The following CDK14 variants were observed in gnomAD, a reference collection of about 807,000 sequenced individuals.
CDK14 encodes the protein cyclin dependent kinase 14.
A neutral mutation model predicts 60.7 loss-of-function variants in CDK14; 34 were observed. The observed-to-expected ratio is 0.56, with a 90% CI of 0.43 to 0.75. The LOEUF is 0.75. Among genes scored for constraint, CDK14 ranks in the 30% least tolerant of loss-of-function variants. The probability of loss-of-function intolerance (pLI) is 0.00; values close to 1 mark genes in which losing one functional copy is unlikely to be tolerated. For synonymous variants in CDK14, 197 were observed against 203.7 expected (o/e 0.97, Z 0.28); for missense variants, 482 against 564.1 (o/e 0.85, Z 1.47).
intron 2 of CDK14, among the ~76,000 whole-genome samples, chr7:90,617,368 T>C (rs1429817129): frequency 6.6e-6 from 1 of 152,038 alleles, no homozygotes; most frequent in African/African-American, 2.4e-5. Flanking sequence ...AACATCTAGG[T>C]ACTACTACTA....
rs35003949 is a variant in CDK14, at chr7:91,034,945, TACACAC to T, written c.1042-10924_1042-10919del. On this transcript the variant is annotated intron_variant, in intron 10 of 14. Coordinates refer to ENST00000380050, the MANE Select transcript of CDK14 (RefSeq NM_001287135.2). ...GTGTACACACACACACACATACACA[TACACAC>T]ACACACACACACACACACACACACA... 1.5e-3 allele frequency among the ~76,000 whole-genome samples: 223 copies of T among 146,088 alleles called. 2 individuals carry two copies. The highest frequency in any genetic ancestry group is 4.5e-3 in the African/African-American group (179 of 39,688).
chr7:91,137,898 C>A (rs1800335682), intron 14 of CDK14, among the ~76,000 whole-genome samples: 1 of 152,130 alleles, frequency 6.6e-6, no homozygotes, highest in African/African-American at 2.4e-5. Flanking sequence ...CAATACTCTC[C>A]AGATAATTGA....
chr7:90,897,761 A>G (rs1792383054), intron 6 of CDK14, among the ~76,000 whole-genome samples: 1 of 152,038 alleles, frequency 6.6e-6, no homozygotes, highest in African/African-American at 2.4e-5. Context: ...ACTCCATTGA[A>G]CCTATTTTAA....
At chr7:90,747,646 C>T (rs780393830) in intron 3 of CDK14, 35 bp from the exon 4 acceptor site, 1 of 1,185,786 alleles carries the variant, frequency 8.4e-7, no homozygotes, top group South Asian at 1.4e-5. Flanking sequence ...TAATTTGATA[C>T]AATCTGTTTT....
At chr7:90,900,087 GA>G (rs1792457188) in intron 7 of CDK14, among the ~76,000 whole-genome samples, 1 of 152,076 alleles carries the variant, frequency 6.6e-6, no homozygotes, top group African/African-American at 2.4e-5. Context: ...TTTGTTATAA[GA>G]AACCCTATTA....
chr7:90,726,242 A>G (rs1802628202), intron 2 of CDK14: 1 of 931,652 alleles, frequency 1.1e-6, no homozygotes, highest in Non-Finnish European at 1.3e-6. Flanking sequence ...AATGATTCAG[A>G]AATAAACCAC....
chr7:91,159,507 A>G (rs925404560), intron 14 of CDK14, among the ~76,000 whole-genome samples: 1 of 152,212 alleles, frequency 6.6e-6, no homozygotes, highest in Non-Finnish European at 1.5e-5. Flanking sequence ...TCTAAAATAG[A>G]TCTAATTATC....
chr7:91,162,553 A>G (rs761841175), intron 14 of CDK14, among the ~76,000 whole-genome samples: 2 of 152,184 alleles, frequency 1.3e-5, no homozygotes, highest in Non-Finnish European at 2.9e-5. Flanking sequence ...CTGTTGGCCT[A>G]TAGAGCATCT....
rs1795049748 is a variant in CDK14 at position 90,975,663 on chromosome 7, CT to C, written c.948-8481del. 2.0e-5 allele frequency among the ~76,000 whole-genome samples: 3 copies of C among 152,080 alleles called. No homozygotes were observed. In the East Asian group the frequency reaches 5.8e-4, roughly 29 times the overall value. On this transcript the variant is annotated intron_variant, in intron 9 of 14. Transcript: ENST00000380050. Reference sequence around the variant, plus strand: ...CTTCCTTCTGGCTGTAATTTTGTGTCTTTTAGCAAATCTCCCCCTATACTTT... The same window carrying C: ...CTTCCTTCTGGCTGTAATTTTGTGTCTTTAGCAAATCTCCCCCTATACTTT...
chr7:90,731,646 G>GT (rs1802870368), intron 3 of CDK14, among the ~76,000 whole-genome samples: 1 of 152,134 alleles, frequency 6.6e-6, no homozygotes, highest in Non-Finnish European at 1.5e-5. Flanking sequence ...CTGTTTGTCT[G>GT]TTATTGGTGT....
chr7:91,174,173 G>A (rs1490474803), intron 14 of CDK14, among the ~76,000 whole-genome samples: 1 of 151,946 alleles, frequency 6.6e-6, no homozygotes, highest in Non-Finnish European at 1.5e-5. Flanking sequence ...AGCCTAACTG[G>A]GAGGCACCCC....
At chr7:91,013,656 GT>G (rs56934476) in intron 10 of CDK14, among the ~76,000 whole-genome samples, 30,518 of 123,278 alleles carry the variant, frequency 0.25, 2,443 homozygotes, top group Middle Eastern at 0.36. Flanking sequence ...CATTGCCTCT[GT>G]TTTTTTTTTT....
intron 11 of CDK14, 63 bp from the exon 12 acceptor site, chr7:91,079,369 A>T (rs191632826): frequency 1.7e-6 from 2 of 1,146,628 alleles, no homozygotes; most frequent in African/African-American, 1.6e-5. Context: ...AAGTTTTTTC[A>T]ACATACTTGT....
chr7:90,963,214 A>G (rs890685481), intron 9 of CDK14, among the ~76,000 whole-genome samples: 11 of 151,442 alleles, frequency 7.3e-5, no homozygotes, highest in Admixed American at 4.0e-4. Context: ...GCATGAGGCT[A>G]GGCGTTTGAG....
intron 14 of CDK14, among the ~76,000 whole-genome samples, chr7:91,164,775 C>T (rs1195204833): frequency 2.6e-5 from 4 of 152,198 alleles, no homozygotes; most frequent in Non-Finnish European, 5.9e-5. Flanking sequence ...TTTCTGCCTG[C>T]CTGCTCTACA....
intron 10 of CDK14, among the ~76,000 whole-genome samples, chr7:91,009,387 G>GT (rs1584226709): frequency 1.3e-5 from 2 of 152,108 alleles, no homozygotes; most frequent in Admixed American, 6.6e-5. Context: ...TTGGATTCCC[G>GT]TAAGAGTGGA....
intron 4 of CDK14, among the ~76,000 whole-genome samples, chr7:90,757,209 AGTGTGTGTGTGTGTGTGTGTGTGTGT>A (rs56790315): frequency 8.3e-6 from 1 of 120,298 alleles, no homozygotes; most frequent in Non-Finnish European, 1.7e-5. Context: ...GCATTCTTCC[AGTGTGTGTGTGTGTGTGTGTGTGTGT>A]GTGTGTGTGT....
chr7:90,676,937 G>C (rs893399907), intron 2 of CDK14, among the ~76,000 whole-genome samples: 1 of 135,180 alleles, frequency 7.4e-6, no homozygotes, highest in Non-Finnish European at 1.6e-5. Context: ...TTATTCAGTT[G>C]TATATCAAGT....
intron 3 of CDK14, among the ~76,000 whole-genome samples, chr7:90,746,116 T>G (rs1803580659): frequency 6.6e-6 from 1 of 152,222 alleles, no homozygotes; most frequent in African/African-American, 2.4e-5. Flanking sequence ...TTGCTTCTTT[T>G]ATTTAATAGT....
Sources: gnomAD v4.1 joint callset for allele counts (sites outside exome capture counted in the v4.1 genomes callset) on GRCh38, gnomAD v4.1.1 for gene constraint, MANE v1.5 for transcripts, NCBI Gene and HGNC (gene_info 2026-07-23, HGNC 2026-07-21) for gene names.